ZNF277: variants seen among roughly 807,000 people sequenced by gnomAD.
ZNF277 encodes the protein nuclear receptor-interacting factor 4.
ZNF277 carries 55 observed loss-of-function variants against 60.7 expected under a neutral mutation model. The observed-to-expected ratio is 0.91, with a 90% CI of 0.73 to 1.13. The LOEUF (loss-of-function observed/expected upper bound fraction) is 1.13, where lower values mean the gene tolerates loss of function less well. Ranked by LOEUF, ZNF277 falls within the 50% of genes most tolerant of loss-of-function variation. The probability of loss-of-function intolerance (pLI) is 0.00; values close to 1 mark genes in which losing one functional copy is unlikely to be tolerated. For synonymous variants in ZNF277, 178 were observed against 179.3 expected (o/e 0.99, Z 0.06); for missense variants, 510 against 523.0 (o/e 0.98, Z 0.24).
At chr7:112,219,349 C>T (rs558411257) in intron 1 of ZNF277, among the ~76,000 whole-genome samples, 1 of 152,184 alleles carries the variant, frequency 6.6e-6, no homozygotes, top group Admixed American at 6.5e-5. Flanking sequence ...TTTACAGTTT[C>T]GGGTCTTAGG....
chr7:112,315,546 CT>C (rs1264307053), intron 4 of ZNF277, among the ~76,000 whole-genome samples: 1 of 152,094 alleles, frequency 6.6e-6, no homozygotes, highest in Non-Finnish European at 1.5e-5. Flanking sequence ...AAGTAAAATA[CT>C]TTTGCATTAC....
intron 5 of ZNF277, among the ~76,000 whole-genome samples, chr7:112,326,751 C>T (rs1386887629): frequency 6.6e-6 from 1 of 151,448 alleles, no homozygotes; most frequent in African/African-American, 2.4e-5. Flanking sequence ...GGGGGGGGAC[C>T]AGGTAAGTGT....
chr7:112,303,539 TTC>T (rs1792526890), intron 4 of ZNF277, among the ~76,000 whole-genome samples: 3 of 152,040 alleles, frequency 2.0e-5, no homozygotes, highest in Admixed American at 2.0e-4. Flanking sequence ...GCTGATAGCT[TTC>T]TTTTTCCTTT....
chr7:112,316,718 T>C (rs1193462166), intron 4 of ZNF277, among the ~76,000 whole-genome samples: 2 of 152,050 alleles, frequency 1.3e-5, no homozygotes, highest in East Asian at 3.8e-4. Context: ...TATAAATTAG[T>C]TCAACCATTG....
Position 112,342,868 on chromosome 7 carries a change from G to T in ZNF277, c.*139G>T. ...TTGGTGAAATAAACTTTTCAAAAAT[G>T]AATGTTCTTTTCAAAAAATAAAGTA... On this transcript the variant is annotated 3_prime_UTR_variant, in exon 12 of 12. Coordinates refer to ENST00000361822, the MANE Select transcript of ZNF277 (RefSeq NM_021994.3). The T allele has an allele frequency of 1.6e-6, 1 of 628,162 alleles. No homozygotes were observed. Among genetic ancestry groups the T allele is most frequent in the African/African-American group, 1.9e-5 (1 of 52,678 alleles). 38.9% of individuals were successfully genotyped at this position (628,162 alleles called of 1,614,324 possible). A position where few individuals can be genotyped will look rare whatever the true frequency, so the allele number is the denominator to read the frequency against.
intron 1 of ZNF277, among the ~76,000 whole-genome samples, chr7:112,265,681 AATC>A (rs1324469111): frequency 6.6e-6 from 1 of 152,188 alleles, no homozygotes; most frequent in Non-Finnish European, 1.5e-5. Context: ...TATGAAGAAA[AATC>A]ATCATAATGT....
intron 5 of ZNF277, among the ~76,000 whole-genome samples, chr7:112,319,666 TAA>T (rs1491185590): frequency 6.8e-6 from 1 of 147,262 alleles, no homozygotes; most frequent in Admixed American, 6.8e-5. Flanking sequence ...ATAATATATA[TAA>T]TATATATTAT....
intron 1 of ZNF277, among the ~76,000 whole-genome samples, chr7:112,241,226 G>A (rs1790940043): frequency 1.3e-5 from 2 of 151,324 alleles, no homozygotes; most frequent in South Asian, 2.1e-4. Context: ...CTCAAAAGAA[G>A]ACAAACAAAT....
At chr7:112,235,853 T>G (rs555810097) in intron 1 of ZNF277, among the ~76,000 whole-genome samples, 42 of 152,168 alleles carry the variant, frequency 2.8e-4, no homozygotes, top group African/African-American at 1.0e-3. Flanking sequence ...CTCTGCCTAA[T>G]CCAAGGTCAT....
chr7:112,229,341 C>T (rs569969256), intron 1 of ZNF277, among the ~76,000 whole-genome samples: 13 of 152,308 alleles, frequency 8.5e-5, no homozygotes, highest in African/African-American at 3.1e-4. Context: ...TAGCAGCTTG[C>T]ATACAACACT....
chr7:112,208,533 C>G (rs577730734), intron 1 of ZNF277, among the ~76,000 whole-genome samples: 6 of 150,788 alleles, frequency 4.0e-5, no homozygotes, highest in African/African-American at 1.5e-4. Flanking sequence ...CTCACAGCAC[C>G]ACTCCCCGAG....
At chr7:112,339,985 C>T in intron 10 of ZNF277, 100 bp downstream of exon 10, 1 of 1,059,070 alleles carries the variant, frequency 9.4e-7, no homozygotes, top group South Asian at 1.3e-5. Context: ...GAGAGTGCAC[C>T]ACCAAAACAT....
chr7:112,229,640 G>T (rs747022624), intron 1 of ZNF277, among the ~76,000 whole-genome samples: 4 of 152,182 alleles, frequency 2.6e-5, no homozygotes, highest in African/African-American at 4.8e-5. Flanking sequence ...CGAGCTCTGA[G>T]TCTCAGCAAG....
At chr7:112,302,604 A>T (rs551300220) in intron 4 of ZNF277, among the ~76,000 whole-genome samples, 5 of 152,102 alleles carry the variant, frequency 3.3e-5, no homozygotes, top group African/African-American at 4.8e-5. Flanking sequence ...CTTCAGATTG[A>T]TGACTGCTTT....
At chr7:112,207,805 T>C (rs1404457515) in intron 1 of ZNF277, among the ~76,000 whole-genome samples, 1 of 152,216 alleles carries the variant, frequency 6.6e-6, no homozygotes, top group Non-Finnish European at 1.5e-5. Context: ...TCATCTTAAG[T>C]ATTTACCTCA....
intron 1 of ZNF277, among the ~76,000 whole-genome samples, chr7:112,209,028 G>T (rs1821665878): frequency 1.3e-5 from 2 of 152,108 alleles, no homozygotes; most frequent in African/African-American, 4.8e-5. Flanking sequence ...TAAACTGAAA[G>T]ATCTGCAACC....
At chr7:112,321,620 GA>G (rs1409579311) in intron 5 of ZNF277, among the ~76,000 whole-genome samples, 1 of 152,026 alleles carries the variant, frequency 6.6e-6, no homozygotes, top group Non-Finnish European at 1.5e-5. Context: ...TTAACCTAAA[GA>G]ACTTTCTTCA....
intron 1 of ZNF277, among the ~76,000 whole-genome samples, chr7:112,213,695 G>A (rs1184095854): frequency 6.6e-6 from 1 of 152,144 alleles, no homozygotes; most frequent in Non-Finnish European, 1.5e-5. Context: ...TCCTATGCAC[G>A]GTTGTAATGA....
intron 1 of ZNF277, among the ~76,000 whole-genome samples, chr7:112,276,763 T>G (rs1791803602): frequency 6.6e-6 from 1 of 152,148 alleles, no homozygotes; most frequent in Admixed American, 6.5e-5. Flanking sequence ...TGGTGGAGAT[T>G]TCAGGCACTG....
Sources: gnomAD v4.1 joint callset for allele counts (sites outside exome capture counted in the v4.1 genomes callset) on GRCh38, gnomAD v4.1.1 for gene constraint, MANE v1.5 for transcripts, NCBI Gene and HGNC (gene_info 2026-07-23, HGNC 2026-07-21) for gene names.